CNGA1: variants seen among roughly 807,000 people sequenced by gnomAD.
CNGA1 encodes the protein cyclic nucleotide-gated channel alpha-1.
CNGA1 carries 53 observed loss-of-function variants against 69.7 expected under a neutral mutation model. The observed-to-expected ratio is 0.76, with a 90% CI of 0.61 to 0.96. CNGA1 has a LOEUF of 0.96. Among genes scored for constraint, CNGA1 ranks in the 40% least tolerant of loss-of-function variants. CNGA1 has a pLI of 0.00. For synonymous variants in CNGA1, 249 were observed against 283.5 expected (o/e 0.88, Z 1.22); for missense variants, 739 against 811.2 (o/e 0.91, Z 1.08).
chr4:47,999,722 T>C (rs1241759490), intron 2 of CNGA1, among the ~76,000 whole-genome samples: 4 of 151,964 alleles, frequency 2.6e-5, no homozygotes, highest in Non-Finnish European at 5.9e-5. Flanking sequence ...ACTTCAAAAA[T>C]TAGCCAGGTG....
chr4:47,954,229 C>T (rs1739924760), intron 3 of CNGA1, among the ~76,000 whole-genome samples: 1 of 151,356 alleles, frequency 6.6e-6, no homozygotes, highest in Non-Finnish European at 1.5e-5. Flanking sequence ...TCCACCTTCC[C>T]GGAATTCCAG....
At chr4:47,980,262 T>C (rs1741627935) in intron 3 of CNGA1, among the ~76,000 whole-genome samples, 1 of 152,100 alleles carries the variant, frequency 6.6e-6, no homozygotes, top group South Asian at 2.1e-4. Context: ...AAACAAAAAG[T>C]CAAAATGTAA....
chr4:48,011,782 C>A (rs1303888518), intron 1 of CNGA1, among the ~76,000 whole-genome samples: 1 of 152,174 alleles, frequency 6.6e-6, no homozygotes, highest in African/African-American at 2.4e-5. Flanking sequence ...CAAATTTAAA[C>A]ATTTTCTGGT....
rs1302904073 is a variant in CNGA1, at chr4:47,937,179, C to T, written c.1303G>A (p.Asp435Asn). 6.2e-7 allele frequency: 1 copy of T among 1,614,170 alleles called. No homozygotes were observed. Among genetic ancestry groups the T allele is most frequent in the Non-Finnish European group, 8.5e-7 (1 of 1,180,036 alleles). ...GTTTTTTTGTTGGTCCACAGGTAGT[C>T]AAACCATTTAATAACCCTCTTTTCC... is the stretch of plus-strand genomic sequence containing the variant. ...DMEKRVIKWFDYLWTNKKTVD... is the reference protein window; with the variant it reads ...DMEKRVIKWFNYLWTNKKTVD... The change falls in exon 11 of 11, where the codon GAC becomes AAC. Residue 435 changes from aspartate to asparagine, a missense_variant. Coordinates refer to ENST00000514170, the MANE Select transcript of CNGA1 (RefSeq NM_001379270.1).
At chr4:47,988,980 T>TA (rs1560307674) in intron 2 of CNGA1, among the ~76,000 whole-genome samples, 17 of 151,394 alleles carry the variant, frequency 1.1e-4, no homozygotes, top group Non-Finnish European at 1.8e-4. Flanking sequence ...GTTCTTAGTT[T>TA]TAAAAAAAAA....
chr4:47,970,802 GTATTTCATC>G (rs1194199506), intron 3 of CNGA1: 2 of 450,782 alleles, frequency 4.4e-6, no homozygotes, highest in African/African-American at 4.1e-5. Flanking sequence ...ATACTATATA[GTATTTCATC>G]TATGGGACCT....
intron 3 of CNGA1, among the ~76,000 whole-genome samples, chr4:47,963,786 A>T (rs919067054): frequency 3.3e-5 from 5 of 152,220 alleles, no homozygotes; most frequent in African/African-American, 9.7e-5. Context: ...TTGCCAATTC[A>T]TAGGACTCTT....
At position 47,982,543 on chromosome 4, in the gene CNGA1, G is replaced by GA. The variant is rs200313218; in HGVS notation, c.-122-1044dup. On this transcript the variant is annotated intron_variant, in intron 2 of 10. Transcript: ENST00000514170. ...CATAAAAAGATATTACAGAAAGAAA[G>GA]AAAAGAAAATGGAAACATAGTCTTA... 7.1e-3 allele frequency among the ~76,000 whole-genome samples: 1,074 copies of GA among 151,772 alleles called. 12 individuals are homozygous for GA. Among genetic ancestry groups the GA allele is most frequent in the Non-Finnish European group, 0.011 (763 of 67,906 alleles).
At chr4:47,967,910 G>A (rs1002262992) in intron 3 of CNGA1, among the ~76,000 whole-genome samples, 5 of 151,982 alleles carry the variant, frequency 3.3e-5, no homozygotes, top group African/African-American at 1.2e-4. Context: ...CCGGGGAGGT[G>A]GAGGTTGCAG....
rs946472891 is a variant in CNGA1 at position 47,936,270 on chromosome 4, G to A, written c.*151C>T. Reference sequence around the variant, plus strand: ...TTAATCATAGTATCTCTCAGAGAGGGTGTGGGCCTTGTACCTTGCACCAAA... The same window carrying A: ...TTAATCATAGTATCTCTCAGAGAGGATGTGGGCCTTGTACCTTGCACCAAA... On this transcript the variant is annotated 3_prime_UTR_variant, in exon 11 of 11. Transcript: ENST00000514170. 3 of 742,224 alleles carry A rather than the reference G, an allele frequency of 4.0e-6. No individual in the cohort carries two copies. The African/African-American group carries it at 5.3e-5, about 13-fold the overall frequency. The allele number at this position is 742,224 out of a possible 1,614,324, so 46.0% of individuals were successfully genotyped here. A position where few individuals can be genotyped will look rare whatever the true frequency, so the allele number is the denominator to read the frequency against.
rs533135631 is a variant in CNGA1, at chr4:48,013,095, G to C, written c.-222-2202C>G. Among the ~76,000 whole-genome samples, 5 of 152,280 alleles carry C rather than the reference G, an allele frequency of 3.3e-5. No individual in the cohort carries two copies. In the East Asian group the frequency reaches 9.6e-4, roughly 29 times the overall value. ...TACAGCAAAATAAACTTTAGATCTT[G>C]ACCAAATTTGGGGAAATCAGGGATT... On this transcript the variant is annotated intron_variant, in intron 1 of 10. Transcript: ENST00000514170.
intron 3 of CNGA1, among the ~76,000 whole-genome samples, chr4:47,969,761 C>T (rs756981290): frequency 2.1e-4 from 32 of 152,152 alleles, no homozygotes; most frequent in Admixed American, 5.9e-4. Flanking sequence ...TAAGCCACCA[C>T]GCCCCGCCAA....
chr4:47,999,935 C>A (rs1416938472), intron 2 of CNGA1, among the ~76,000 whole-genome samples: 1 of 151,918 alleles, frequency 6.6e-6, no homozygotes, highest in Non-Finnish European at 1.5e-5. Context: ...TATAAATATG[C>A]TCAAGAATTC....
intron 3 of CNGA1, among the ~76,000 whole-genome samples, chr4:47,973,123 A>C (rs1741133946): frequency 7.3e-6 from 1 of 137,442 alleles, no homozygotes; most frequent in South Asian, 2.2e-4. Flanking sequence ...GCTGGAGTGC[A>C]GTAGCACTAT....
At position 47,936,268 on chromosome 4, in the gene CNGA1, G is replaced by T; in HGVS notation, c.*153C>A. 1.4e-6 allele frequency: 1 copy of T among 725,200 alleles called. No homozygotes were observed. The highest frequency in any genetic ancestry group is 2.4e-6 in the Non-Finnish European group (1 of 421,754). The allele number at this position is 725,200 out of a possible 1,614,324, so 44.9% of individuals were successfully genotyped here. A position where few individuals can be genotyped will look rare whatever the true frequency, so the allele number is the denominator to read the frequency against. On this transcript the variant is annotated 3_prime_UTR_variant, in exon 11 of 11. Coordinates refer to ENST00000514170, the MANE Select transcript of CNGA1 (RefSeq NM_001379270.1). ...TTTTAATCATAGTATCTCTCAGAGA[G>T]GGTGTGGGCCTTGTACCTTGCACCA...
intron 3 of CNGA1, among the ~76,000 whole-genome samples, chr4:47,961,929 T>C (rs1740462674): frequency 6.6e-6 from 1 of 152,216 alleles, no homozygotes. Context: ...ATTTCAATTG[T>C]GAATTTTATA....
intron 2 of CNGA1, among the ~76,000 whole-genome samples, chr4:47,990,481 T>C (rs912489452): frequency 1.3e-5 from 2 of 152,168 alleles, no homozygotes; most frequent in Non-Finnish European, 2.9e-5. Flanking sequence ...TTTCGAACCC[T>C]GTTTCCTGTT....
chr4:47,945,516 G>A (rs1335398490), intron 6 of CNGA1, among the ~76,000 whole-genome samples: 1 of 152,184 alleles, frequency 6.6e-6, no homozygotes, highest in African/African-American at 2.4e-5. Flanking sequence ...AGGGATTGAA[G>A]CATCATCGTG....
chr4:47,989,514 C>A (rs1254035071), intron 2 of CNGA1, among the ~76,000 whole-genome samples: 1 of 151,972 alleles, frequency 6.6e-6, no homozygotes, highest in Non-Finnish European at 1.5e-5. Flanking sequence ...AATTACTAAC[C>A]ATTATAAAAT....
Sources: gnomAD v4.1 joint callset for allele counts (sites outside exome capture counted in the v4.1 genomes callset) on GRCh38, gnomAD v4.1.1 for gene constraint, MANE v1.5 for transcripts, NCBI Gene and HGNC (gene_info 2026-07-23, HGNC 2026-07-21) for gene names.